Variants in THSD7B observed in about 807,000 individuals in gnomAD.
THSD7B encodes thrombospondin type 1 domain containing 7B, also known as thrombospondin type-1 domain-containing protein 7B.
In THSD7B, 138 loss-of-function variants were observed where a neutral mutation model predicts 213.6. The ratio of observed to expected loss-of-function variants is 0.65; its 90% CI spans 0.56 to 0.74. THSD7B has a LOEUF of 0.74. Ranked by LOEUF, THSD7B falls within the 30% of genes least tolerant of loss-of-function variation. The pLI is 0.00. For synonymous variants in THSD7B, 742 were observed against 687.0 expected (o/e 1.08, Z -1.25); for missense variants, 1,931 against 1,991.5 (o/e 0.97, Z 0.58).
At chr2:137,668,689 T>G (rs1683499498) in intron 27 of THSD7B, among the ~76,000 whole-genome samples, 1 of 152,176 alleles carries the variant, frequency 6.6e-6, no homozygotes, top group African/African-American at 2.4e-5. Flanking sequence ...GGCCCGCTTT[T>G]GATCAGAAGC....
intron 1 of THSD7B, among the ~76,000 whole-genome samples, chr2:136,829,358 G>C (rs778557642): frequency 3.0e-4 from 45 of 152,100 alleles, no homozygotes; most frequent in Non-Finnish European, 5.6e-4. Context: ...ATATGGGACA[G>C]GTTGGGGATA....
chr2:137,470,769 A>G (rs2105091927), intron 15 of THSD7B, among the ~76,000 whole-genome samples: 1 of 152,290 alleles, frequency 6.6e-6, no homozygotes, highest in Admixed American at 6.5e-5. Context: ...TGGATTCCCA[A>G]TATTCCTTTA....
intron 25 of THSD7B, among the ~76,000 whole-genome samples, chr2:137,661,541 G>A (rs937696896): frequency 3.3e-5 from 5 of 151,906 alleles, no homozygotes; most frequent in African/African-American, 7.3e-5. Context: ...ACAGGTCTGC[G>A]GCAATTTGAC....
At chr2:137,205,182 G>A (rs13390920) in intron 7 of THSD7B, among the ~76,000 whole-genome samples, 1,636 of 152,154 alleles carry the variant, frequency 0.011, 34 homozygotes, top group African/African-American at 0.036. Context: ...GCTGGATAGA[G>A]TGCCAGTGAA....
chr2:137,607,931 A>G (rs1015754684), intron 17 of THSD7B, among the ~76,000 whole-genome samples: 6 of 152,174 alleles, frequency 3.9e-5, no homozygotes, highest in African/African-American at 1.4e-4. Context: ...TAAGCAAAAA[A>G]TCTACTGACA....
intron 5 of THSD7B, among the ~76,000 whole-genome samples, chr2:137,148,989 C>T (rs992578663): frequency 6.6e-6 from 1 of 152,120 alleles, no homozygotes; most frequent in South Asian, 2.1e-4. Flanking sequence ...GGCAGCCCCT[C>T]CCATCACAGG....
intron 12 of THSD7B, among the ~76,000 whole-genome samples, chr2:137,281,760 T>A (rs1683022272): frequency 1.3e-5 from 2 of 152,132 alleles, no homozygotes; most frequent in South Asian, 2.1e-4. Context: ...TGCATAGTAT[T>A]CCATGGTGTA....
At chr2:136,956,148 C>A (rs1405785293) in intron 2 of THSD7B, among the ~76,000 whole-genome samples, 3 of 151,906 alleles carry the variant, frequency 2.0e-5, no homozygotes, top group African/African-American at 7.3e-5. Context: ...ATTAAATTTA[C>A]CCTGAATTAT....
chr2:137,403,291 T>TA (rs1256514528), intron 12 of THSD7B, among the ~76,000 whole-genome samples: 1 of 151,756 alleles, frequency 6.6e-6, no homozygotes, highest in Non-Finnish European at 1.5e-5. Flanking sequence ...AAAATAAAAA[T>TA]AAAAAAAGAT....
chr2:137,062,698 T>G (rs1183147476), intron 3 of THSD7B, among the ~76,000 whole-genome samples: 1 of 151,834 alleles, frequency 6.6e-6, no homozygotes, highest in African/African-American at 2.4e-5. Context: ...TCTTTTAGAT[T>G]TGTTAAGGTG....
rs754471854 is a variant in THSD7B at position 137,231,227 on chromosome 2, C to T, written c.1907C>T (p.Ala636Val). Residue 636 changes from alanine to valine, a missense_variant, in exon 8 of 28, where the codon GCT becomes GTT. By Grantham distance (64) the Ala-to-Val change is moderately conservative. Transcript: ENST00000409968. ...QTRSRTILAL[A>V]GEGGKPCPPS... Reference sequence around the variant, plus strand: ...AGGTCAAGAACTATCCTGGCACTGGCTGGGGAAGGTGAGTAACAGAAAAGG... The same window carrying T: ...AGGTCAAGAACTATCCTGGCACTGGTTGGGGAAGGTGAGTAACAGAAAAGG... 1 of 1,607,330 alleles carries T rather than the reference C, an allele frequency of 6.2e-7. No individual in the cohort carries two copies. The highest frequency in any genetic ancestry group is 8.5e-7 in the Non-Finnish European group (1 of 1,176,344).
At chr2:137,241,600 T>C (rs999522245) in intron 9 of THSD7B, among the ~76,000 whole-genome samples, 3 of 152,156 alleles carry the variant, frequency 2.0e-5, no homozygotes, top group Non-Finnish European at 2.9e-5. Context: ...AACTTTTCAG[T>C]CTACGTGTTC....
intron 3 of THSD7B, among the ~76,000 whole-genome samples, chr2:137,062,616 G>T (rs1687298928): frequency 6.6e-6 from 1 of 151,508 alleles, no homozygotes; most frequent in African/African-American, 2.4e-5. Flanking sequence ...TATATTTTGG[G>T]GTTCTCTATT....
chr2:137,163,955 A>G (rs1449093029), intron 6 of THSD7B, among the ~76,000 whole-genome samples: 7 of 152,158 alleles, frequency 4.6e-5, no homozygotes. Flanking sequence ...GATTTTCTCC[A>G]TCAGCCTAAA....
chr2:136,856,310 A>G (rs1683180429), intron 1 of THSD7B, among the ~76,000 whole-genome samples: 1 of 152,098 alleles, frequency 6.6e-6, no homozygotes, highest in African/African-American at 2.4e-5. Context: ...GTCTTCCAAA[A>G]CACATCTCAA....
At chr2:137,074,712 A>G (rs1308279361) in intron 3 of THSD7B, among the ~76,000 whole-genome samples, 3 of 152,136 alleles carry the variant, frequency 2.0e-5, no homozygotes, top group Non-Finnish European at 4.4e-5. Flanking sequence ...ATGTTTTTGC[A>G]GTGGCTGGTT....
intron 1 of THSD7B, among the ~76,000 whole-genome samples, chr2:136,776,356 G>A (rs974910979): frequency 1.3e-5 from 2 of 152,086 alleles, no homozygotes; most frequent in Non-Finnish European, 1.5e-5. Context: ...AAGGAACCTA[G>A]GGGTTAAGAT....
intron 15 of THSD7B, among the ~76,000 whole-genome samples, chr2:137,479,707 C>T (rs1688262026): frequency 6.6e-6 from 1 of 152,156 alleles, no homozygotes; most frequent in South Asian, 2.1e-4. Context: ...GAAATGGTGC[C>T]TGGCTGCTGG....
intron 12 of THSD7B, among the ~76,000 whole-genome samples, chr2:137,329,708 C>A (rs796806707): frequency 6.6e-6 from 1 of 151,970 alleles, no homozygotes; most frequent in Non-Finnish European, 1.5e-5. Flanking sequence ...AAGAGAAAGC[C>A]GAGGATAAAA....
Sources: gnomAD v4.1 joint callset for allele counts (sites outside exome capture counted in the v4.1 genomes callset) on GRCh38, gnomAD v4.1.1 for gene constraint, MANE v1.5 for transcripts, NCBI Gene and HGNC (gene_info 2026-07-23, HGNC 2026-07-21) for gene names.